Variants in CRIM1 observed in about 807,000 individuals in gnomAD.
The protein encoded by CRIM1 is cysteine rich transmembrane BMP regulator 1.
In CRIM1, 32 loss-of-function variants were observed where a neutral mutation model predicts 116.4. That is an observed-to-expected ratio of 0.27 (90% CI 0.21 to 0.37). The LOEUF is 0.37. CRIM1 is among the 10% of genes least tolerant of loss of function. CRIM1 has a pLI of 1.00. For synonymous variants in CRIM1, 590 were observed against 509.2 expected (o/e 1.16, Z -2.13); for missense variants, 1,331 against 1,354.8 (o/e 0.98, Z 0.28).
intron 1 of CRIM1, chr2:36,378,814 T>TG (rs1558516013): frequency 6.6e-6 from 1 of 151,024 alleles, no homozygotes; most frequent in African/African-American, 2.5e-5. Flanking sequence ...CGGTTTTTTT[T>TG]TTTTTTTTTT....
intron 5 of CRIM1, among the ~76,000 whole-genome samples, chr2:36,465,168 G>T (rs1424390605): frequency 6.6e-6 from 1 of 152,196 alleles, no homozygotes; most frequent in Non-Finnish European, 1.5e-5. Flanking sequence ...TCAGTGGTTG[G>T]TCACTGATAG....
rs1415448127 is a variant in CRIM1 at position 36,517,475 on chromosome 2, G to A, written c.2139G>A (p.Glu713=). ...GCGGACGGGTGCTGTGTGAGACAGA[G>A]GTGTGCCCACCGCTGCTCTGCCAGA... The part of the protein sequence containing the change: ...CHSGRVLCET[E]VCPPLLCQNP... The change falls in exon 12 of 17, where the codon GAG becomes GAA. Residue 713 remains glutamate, a synonymous_variant. Coordinates refer to ENST00000280527, the MANE Select transcript of CRIM1 (RefSeq NM_016441.3). 1 of 1,614,226 alleles carries A rather than the reference G, an allele frequency of 6.2e-7. No homozygotes were observed. Among genetic ancestry groups the A allele is most frequent in the Non-Finnish European group, 8.5e-7 (1 of 1,180,024 alleles).
intron 16 of CRIM1, among the ~76,000 whole-genome samples, chr2:36,547,606 G>A (rs562891585): frequency 6.6e-6 from 1 of 152,214 alleles, no homozygotes; most frequent in African/African-American, 2.4e-5. Flanking sequence ...GATCATGAGG[G>A]TATACAAAAG....
chr2:36,360,582 G>A (rs1669155385), intron 1 of CRIM1, among the ~76,000 whole-genome samples: 1 of 152,140 alleles, frequency 6.6e-6, no homozygotes, highest in Non-Finnish European at 1.5e-5. Context: ...ACAGAATTTT[G>A]TTTCCTGAAA....
intron 1 of CRIM1, among the ~76,000 whole-genome samples, chr2:36,357,578 G>T (rs1168718581): frequency 2.0e-5 from 3 of 152,198 alleles, no homozygotes; most frequent in Admixed American, 1.3e-4. Flanking sequence ...TGCCTGGTCT[G>T]GTTTGGGGTC....
chr2:36,518,427 T>C (rs1665168003), intron 12 of CRIM1, among the ~76,000 whole-genome samples: 1 of 152,240 alleles, frequency 6.6e-6, no homozygotes, highest in Admixed American at 6.5e-5. Flanking sequence ...TTCTTTTTTT[T>C]AACATTGGAT....
At chr2:36,400,612 A>C (rs1672339687) in intron 2 of CRIM1, among the ~76,000 whole-genome samples, 1 of 152,240 alleles carries the variant, frequency 6.6e-6, no homozygotes, top group African/African-American at 2.4e-5. Flanking sequence ...TCCAGGATTT[A>C]TGGAATGTGG....
At chr2:36,512,164 G>A (rs1269512221) in intron 9 of CRIM1, 109 bp from the exon 10 acceptor site, 12 of 1,310,284 alleles carry the variant, frequency 9.2e-6, no homozygotes, top group Non-Finnish European at 1.3e-5. Context: ...CAAAAGTCAA[G>A]TCATTCTGTT....
chr2:36,464,749 C>G, intron 5 of CRIM1, 94 bp downstream of exon 5: 1 of 1,467,838 alleles, frequency 6.8e-7, no homozygotes, highest in Non-Finnish European at 9.4e-7. Context: ...TTTTACAAAG[C>G]AGGGATTACC....
At chr2:36,410,048 G>A (rs1013591845) in intron 2 of CRIM1, among the ~76,000 whole-genome samples, 2 of 152,194 alleles carry the variant, frequency 1.3e-5, no homozygotes, top group African/African-American at 2.4e-5. Flanking sequence ...CTTTTGATTC[G>A]TGGTTTCTCT....
intron 5 of CRIM1, among the ~76,000 whole-genome samples, chr2:36,466,728 C>T (rs903124619): frequency 1.4e-4 from 21 of 152,296 alleles, no homozygotes; most frequent in African/African-American, 4.6e-4. Context: ...TGATCTAATT[C>T]GTATCATCTT....
Position 36,534,323 on chromosome 2 carries a change from AAGG to A in CRIM1, c.2429-3026_2429-3024del, listed in dbSNP as rs142215385. ...AGGAAGGAGGGAGGGGGAAGGAAAG[AAGG>A]AGAAAAGGAGGGAGGGAGGAGGAGG... On this transcript the variant is annotated intron_variant, in intron 13 of 16. Transcript: ENST00000280527. Among the ~76,000 whole-genome samples, 4,247 of 121,720 alleles carry A rather than the reference AAGG, an allele frequency of 0.035. 277 individuals are homozygous for A. In the East Asian group the frequency reaches 0.38, roughly 11 times the overall value. The allele number at this position is 121,720 out of a possible 152,430, so 79.9% of individuals were successfully genotyped here. A position where few individuals can be genotyped will look rare whatever the true frequency, so the allele number is the denominator to read the frequency against.
chr2:36,363,494 G>A (rs563181907), intron 1 of CRIM1, among the ~76,000 whole-genome samples: 136 of 150,428 alleles, frequency 9.0e-4, no homozygotes, highest in Non-Finnish European at 1.4e-3. Context: ...TCTTAGAAAG[G>A]GAGCAAATTG....
chr2:36,430,173 C>G (rs1254510551), intron 2 of CRIM1, among the ~76,000 whole-genome samples: 2 of 152,190 alleles, frequency 1.3e-5, no homozygotes, highest in African/African-American at 4.8e-5. Context: ...TAAACCCATA[C>G]TGACTGTGAT....
intron 13 of CRIM1, among the ~76,000 whole-genome samples, chr2:36,528,339 A>G (rs928396381): frequency 1.3e-5 from 2 of 152,292 alleles, no homozygotes; most frequent in African/African-American, 2.4e-5. Flanking sequence ...TAAAAAGCCC[A>G]TGTCACTTTG....
At chr2:36,548,430 T>A in intron 16 of CRIM1, 95 bp from the exon 17 acceptor site, 1 of 856,796 alleles carries the variant, frequency 1.2e-6, no homozygotes, top group Non-Finnish European at 1.8e-6. Context: ...TGTGAAACTG[T>A]TATCTCACCT....
chr2:36,399,001 A>G (rs3821163), intron 2 of CRIM1, among the ~76,000 whole-genome samples: 47,646 of 151,970 alleles, frequency 0.31, 8,328 homozygotes, highest in East Asian at 0.56. Context: ...AATAGTGATG[A>G]TGATAGATTT....
chr2:36,398,138 A>ATT (rs1388565218), intron 2 of CRIM1, among the ~76,000 whole-genome samples: 1 of 152,230 alleles, frequency 6.6e-6, no homozygotes, highest in Admixed American at 6.5e-5. Context: ...CATAGTTAAT[A>ATT]ATTTACGCAT....
intron 1 of CRIM1, among the ~76,000 whole-genome samples, chr2:36,365,128 A>G (rs933477746): frequency 6.6e-5 from 10 of 152,182 alleles, no homozygotes; most frequent in Non-Finnish European, 1.2e-4. Flanking sequence ...TACAGGGTCT[A>G]TGCACCAAGG....
Sources: gnomAD v4.1 joint callset for allele counts (sites outside exome capture counted in the v4.1 genomes callset) on GRCh38, gnomAD v4.1.1 for gene constraint, MANE v1.5 for transcripts, NCBI Gene and HGNC (gene_info 2026-07-23, HGNC 2026-07-21) for gene names.